PDZD2: variants seen among roughly 807,000 people sequenced by gnomAD.
PDZD2 encodes the protein PDZ domain-containing protein 2.
A neutral mutation model predicts 220.7 loss-of-function variants in PDZD2; 90 were observed. That is an observed-to-expected ratio of 0.41 (90% CI 0.34 to 0.49). The LOEUF (loss-of-function observed/expected upper bound fraction) is 0.49. PDZD2 is among the 20% of genes least tolerant of loss of function. The pLI, the probability that PDZD2 is intolerant of heterozygous loss-of-function variation, is 0.28. For missense variants in PDZD2, 3,174 were observed against 3,608.5 expected (o/e 0.88, Z 3.08); for synonymous variants, 1,375 against 1,450.5 (o/e 0.95, Z 1.18).
chr5:31,687,805 T>C (rs144948477), intron 1 of PDZD2, among the ~76,000 whole-genome samples: 314 of 152,322 alleles, frequency 2.1e-3, no homozygotes, highest in African/African-American at 7.1e-3. Context: ...CGCTGATGTC[T>C]CTTCCTCTTC....
Position 31,786,669 on chromosome 5 carries a change from G to A in PDZD2, c.-360-12220G>A, listed in dbSNP as rs1007474501. ...CTCGCTAACTTAGCTCCAAGATTTG[G>A]GGGGGTGTAGGGGGAATGCCAGAGC... On this transcript the variant is annotated intron_variant, in intron 1 of 24. Transcript: ENST00000438447. Among the ~76,000 whole-genome samples, 3 of 152,036 alleles carry A rather than the reference G, an allele frequency of 2.0e-5. No homozygotes were observed. In the South Asian group the frequency reaches 6.2e-4, roughly 32 times the overall value.
At chr5:32,043,688 T>C (rs1030406816) in intron 7 of PDZD2, among the ~76,000 whole-genome samples, 3 of 152,204 alleles carry the variant, frequency 2.0e-5, no homozygotes, top group Non-Finnish European at 4.4e-5. Context: ...AGCACGGTGG[T>C]GTGATCTCAG....
At chr5:31,870,416 C>T (rs1431711084) in intron 2 of PDZD2, among the ~76,000 whole-genome samples, 2 of 152,102 alleles carry the variant, frequency 1.3e-5, no homozygotes, top group African/African-American at 4.8e-5. Context: ...CACACATTAC[C>T]TTGAAATGAC....
intron 1 of PDZD2, chr5:31,747,761 C>T (rs1244341056): frequency 6.6e-6 from 1 of 152,420 alleles, no homozygotes. Flanking sequence ...TTCCCACTCC[C>T]TGTGGTGTGA....
At position 31,920,708 on chromosome 5, in the gene PDZD2, T is replaced by C. The variant is rs1040907049; in HGVS notation, c.477-62447T>C. Among the ~76,000 whole-genome samples, 3 of 152,132 alleles carry C rather than the reference T, an allele frequency of 2.0e-5. No individual in the cohort carries two copies. In the East Asian group the frequency reaches 5.8e-4, roughly 29 times the overall value. Reference sequence around the variant, plus strand: ...GTATAATGACACACCAAATGTATAATGACATGTATCCATCATTATCATACA... The same window carrying C: ...GTATAATGACACACCAAATGTATAACGACATGTATCCATCATTATCATACA... On this transcript the variant is annotated intron_variant, in intron 2 of 24. Coordinates refer to ENST00000438447, the MANE Select transcript of PDZD2 (RefSeq NM_178140.4).
chr5:31,965,434 G>A (rs995876936), intron 2 of PDZD2, among the ~76,000 whole-genome samples: 5 of 152,180 alleles, frequency 3.3e-5, no homozygotes, highest in African/African-American at 7.2e-5. Flanking sequence ...TTCTACACAC[G>A]GGGGGATATG....
chr5:31,722,771 C>T (rs1748883307), intron 1 of PDZD2, among the ~76,000 whole-genome samples: 1 of 151,754 alleles, frequency 6.6e-6, no homozygotes. Flanking sequence ...CTCACTGCAA[C>T]CTCTGCCTCC....
At chr5:31,671,360 G>A (rs1014164492) in intron 1 of PDZD2, among the ~76,000 whole-genome samples, 6 of 152,206 alleles carry the variant, frequency 3.9e-5, no homozygotes, top group Admixed American at 3.3e-4. Context: ...CACTGCTAGG[G>A]CATAGTGTGT....
intron 2 of PDZD2, among the ~76,000 whole-genome samples, chr5:31,935,761 A>G (rs1745666411): frequency 6.6e-6 from 1 of 152,180 alleles, no homozygotes; most frequent in Non-Finnish European, 1.5e-5. Context: ...AGTTATGTGA[A>G]GTACACATTT....
chr5:31,746,517 C>T (rs1750613296), intron 1 of PDZD2, among the ~76,000 whole-genome samples: 1 of 152,128 alleles, frequency 6.6e-6, no homozygotes, highest in African/African-American at 2.4e-5. Context: ...AATCATCGCC[C>T]TGGCAAAAAT....
At chr5:31,917,451 C>T (rs1165264612) in intron 2 of PDZD2, among the ~76,000 whole-genome samples, 3 of 152,134 alleles carry the variant, frequency 2.0e-5, no homozygotes, top group Non-Finnish European at 2.9e-5. Flanking sequence ...TCACTTGAGC[C>T]CAGGAGGTTG....
chr5:31,711,478 C>T (rs1711663135), intron 1 of PDZD2, among the ~76,000 whole-genome samples: 1 of 152,152 alleles, frequency 6.6e-6, no homozygotes, highest in South Asian at 2.1e-4. Flanking sequence ...TGGCTTAAGC[C>T]AAGGGGACTT....
In PDZD2 at chr5:32,089,037, G is replaced by GTCT. The variant is rs750587373; in HGVS notation, c.5590_5592dup (p.Ser1864dup). 1 of 1,613,768 alleles carries GTCT rather than the reference G, an allele frequency of 6.2e-7. No individual in the cohort carries two copies. The highest frequency in any genetic ancestry group is 8.5e-7 in the Non-Finnish European group (1 of 1,179,974). On this transcript the variant is annotated inframe_insertion, in exon 20 of 25. Coordinates refer to ENST00000438447, the MANE Select transcript of PDZD2 (RefSeq NM_178140.4). ...AAACAAACCTGGAAAATAAGGACCT[G>GTCT]TCTAAGAAGAGTCCGGCAGAAATGC... is the stretch of plus-strand genomic sequence containing the variant.
At chr5:31,776,568 A>G (rs6450860) in intron 1 of PDZD2, among the ~76,000 whole-genome samples, 67,126 of 148,206 alleles carry the variant, frequency 0.45, 15,800 homozygotes, top group African/African-American at 0.54. Context: ...TGCCTGCTTC[A>G]TCCTCCCAAA....
At position 31,923,297 on chromosome 5, in the gene PDZD2, C is replaced by T. The variant is rs1190671441; in HGVS notation, c.477-59858C>T. The T allele has an allele frequency of 3.0e-5, 19 of 622,992 alleles. No individual in the cohort carries two copies. The East Asian group carries it at 4.9e-4, about 16-fold the overall frequency. The allele number at this position is 622,992 out of a possible 1,614,324, so 38.6% of individuals were successfully genotyped here. ...AATAGATAAGTAAAAATAAAAATAA[C>T]TTCTCCCTTTCGGATTCCCGATGCG... On this transcript the variant is annotated intron_variant, in intron 2 of 24. Transcript: ENST00000438447.
At chr5:31,757,125 C>T (rs1045220284) in intron 1 of PDZD2, among the ~76,000 whole-genome samples, 1 of 151,978 alleles carries the variant, frequency 6.6e-6, no homozygotes, top group Non-Finnish European at 1.5e-5. Flanking sequence ...CTCTACAAAA[C>T]ATTTTTAAAA....
At chr5:32,073,736 T>C in intron 17 of PDZD2, 96 bp from the exon 18 acceptor site, 1 of 790,824 alleles carries the variant, frequency 1.3e-6, no homozygotes, top group Non-Finnish European at 2.1e-6. Context: ...TTAGTGAATG[T>C]GGAAATGCTT....
At chr5:32,096,829 A>ATTTTTTTTTTTTTTT (rs71831480) in intron 21 of PDZD2, among the ~76,000 whole-genome samples, 2 of 96,828 alleles carry the variant, frequency 2.1e-5, no homozygotes, top group Non-Finnish European at 1.9e-5. Flanking sequence ...ATGTACTATG[A>ATTTTTTTTTTTTTTT]TTTTTTTTTT....
intron 2 of PDZD2, among the ~76,000 whole-genome samples, chr5:31,888,597 G>A (rs1002725314): frequency 1.3e-5 from 2 of 152,220 alleles, no homozygotes; most frequent in African/African-American, 4.8e-5. Flanking sequence ...TAATGAGGTG[G>A]TTTATACTCT....
Sources: gnomAD v4.1 joint callset for allele counts (sites outside exome capture counted in the v4.1 genomes callset) on GRCh38, gnomAD v4.1.1 for gene constraint, MANE v1.5 for transcripts, NCBI Gene and HGNC (gene_info 2026-07-23, HGNC 2026-07-21) for gene names.